The following NRXN3 variants were observed in gnomAD, a reference collection of about 807,000 sequenced individuals.
NRXN3 encodes neurexin 3.
In NRXN3, 32 loss-of-function variants were observed where a neutral mutation model predicts 137.6. The observed-to-expected ratio is 0.23, with a 90% CI of 0.18 to 0.31. NRXN3 has a LOEUF of 0.31. Among genes scored for constraint, NRXN3 ranks in the 10% least tolerant of loss-of-function variants. The pLI is 1.00. For missense variants in NRXN3, 1,574 were observed against 2,062.5 expected, an observed-to-expected ratio of 0.76 and a Z score of 4.59; for synonymous variants, 798 against 784.5, an observed-to-expected ratio of 1.02 and a Z score of -0.29.
At chr14:78,607,791 A>G (rs1348857061) in intron 4 of NRXN3, among the ~76,000 whole-genome samples, 1 of 151,888 alleles carries the variant, frequency 6.6e-6, no homozygotes, top group Non-Finnish European at 1.5e-5. Flanking sequence ...GTGTCTACTT[A>G]AAGAAATGGC....
chr14:79,825,974 T>C (rs1488069776), intron 20 of NRXN3, among the ~76,000 whole-genome samples: 1 of 151,050 alleles, frequency 6.6e-6, no homozygotes, highest in Non-Finnish European at 1.5e-5. Flanking sequence ...TACCCCAAAT[T>C]ACACATATAT....
intron 19 of NRXN3, among the ~76,000 whole-genome samples, chr14:79,718,484 A>C (rs2098831227): frequency 6.6e-6 from 1 of 152,234 alleles, no homozygotes; most frequent in Non-Finnish European, 1.5e-5. Context: ...TGTTTTTTAA[A>C]GATTACTCTG....
At chr14:79,056,116 G>A (rs1307926252) in intron 15 of NRXN3, among the ~76,000 whole-genome samples, 3 of 152,172 alleles carry the variant, frequency 2.0e-5, no homozygotes, top group African/African-American at 7.2e-5. Flanking sequence ...TTCAGGTAAT[G>A]GCAGTAGGAA....
intron 8 of NRXN3, among the ~76,000 whole-genome samples, chr14:78,756,422 A>G (rs1476150027): frequency 1.3e-5 from 2 of 151,832 alleles, no homozygotes; most frequent in Admixed American, 6.6e-5. Flanking sequence ...AGGGAGGTGG[A>G]GGCTGCAGTG....
At chr14:79,110,095 A>G (rs2053205415) in intron 15 of NRXN3, among the ~76,000 whole-genome samples, 2 of 152,180 alleles carry the variant, frequency 1.3e-5, no homozygotes, top group African/African-American at 2.4e-5. Context: ...CTTGTCATAG[A>G]CAATTATTTG....
chr14:79,134,491 A>G (rs2062747), intron 15 of NRXN3, among the ~76,000 whole-genome samples: 147,925 of 152,310 alleles, frequency 0.97, 71,881 homozygotes, highest in Middle Eastern at 1. Context: ...ACTGAGGCTA[A>G]CCGAGGACTT....
chr14:79,410,959 AAT>A (rs2095409546), intron 15 of NRXN3, among the ~76,000 whole-genome samples: 1 of 152,100 alleles, frequency 6.6e-6, no homozygotes, highest in African/African-American at 2.4e-5. Flanking sequence ...GATGTAGGGA[AAT>A]ATGACTCGTC....
Position 78,982,525 on chromosome 14 carries a change from T to C in NRXN3, c.3143-5497T>C, listed in dbSNP as rs192372604. 1.2e-3 allele frequency among the ~76,000 whole-genome samples: 185 copies of C among 152,144 alleles called. No homozygotes were observed. The Middle Eastern group carries it at 0.014, about 11-fold the overall frequency. ...TAACTGATTTTTTTTTTAACAAAGG[T>C]GCCACAAGTATGCAATGGAGAAAGG... On this transcript the variant is annotated intron_variant, in intron 14 of 20. Coordinates refer to ENST00000335750, the MANE Select transcript of NRXN3 (RefSeq NM_001330195.2).
chr14:78,507,042 G>T (rs865911346), intron 4 of NRXN3, among the ~76,000 whole-genome samples: 1 of 152,076 alleles, frequency 6.6e-6, no homozygotes, highest in Admixed American at 6.6e-5. Context: ...TAATTTGAGT[G>T]TTTAAAACAT....
In NRXN3 at chr14:78,948,533, A is replaced by G. The variant is rs2099374519; in HGVS notation, c.2276-8709A>G. 2.6e-5 allele frequency among the ~76,000 whole-genome samples: 4 copies of G among 151,286 alleles called. No individual in the cohort carries two copies. In the South Asian group the frequency reaches 8.4e-4, roughly 32 times the overall value. The stretch of plus-strand genomic sequence containing the variant: ...GAAATCTGACATTGGCTGAGGGAAT[A>G]TGATGCCAGGCGGCACGTGATGCAG... On this transcript the variant is annotated intron_variant, in intron 10 of 20. Transcript: ENST00000335750.
At chr14:79,125,120 C>CACTA (rs1254541065) in intron 15 of NRXN3, among the ~76,000 whole-genome samples, 3 of 152,182 alleles carry the variant, frequency 2.0e-5, no homozygotes, top group Middle Eastern at 3.2e-3. Context: ...ATTACAAATA[C>CACTA]ACTACTTGGC....
chr14:79,238,628 T>C (rs915593727), intron 15 of NRXN3, among the ~76,000 whole-genome samples: 9 of 152,162 alleles, frequency 5.9e-5, no homozygotes, highest in African/African-American at 1.2e-4. Context: ...TATCTTAATT[T>C]TCTTTTTTAC....
chr14:78,489,995 A>T (rs1599369831), intron 4 of NRXN3, among the ~76,000 whole-genome samples: 1 of 151,592 alleles, frequency 6.6e-6, no homozygotes, highest in Non-Finnish European at 1.5e-5. Context: ...GCTCACTGCA[A>T]CCTCTGCCTC....
chr14:78,835,685 C>T (rs568747733), intron 10 of NRXN3, among the ~76,000 whole-genome samples: 37 of 152,202 alleles, frequency 2.4e-4, no homozygotes, highest in African/African-American at 8.9e-4. Context: ...TTGGGAGACT[C>T]AGCTATGTAC....
intron 19 of NRXN3, among the ~76,000 whole-genome samples, chr14:79,799,457 G>A (rs1025928969): frequency 6.6e-6 from 1 of 152,082 alleles, no homozygotes; most frequent in Non-Finnish European, 1.5e-5. Flanking sequence ...TGAGATGCAG[G>A]GAGTGGAGAA....
At chr14:79,694,938 G>A (rs931984010) in intron 18 of NRXN3, among the ~76,000 whole-genome samples, 2 of 152,034 alleles carry the variant, frequency 1.3e-5, no homozygotes, top group Admixed American at 1.3e-4. Flanking sequence ...ACTCCCTATG[G>A]CAAGATGAAA....
chr14:78,842,111 A>G (rs998949301), intron 10 of NRXN3, among the ~76,000 whole-genome samples: 2 of 152,142 alleles, frequency 1.3e-5, no homozygotes, highest in African/African-American at 4.8e-5. Flanking sequence ...AATTGTACCT[A>G]AAATTTCTTG....
intron 15 of NRXN3, among the ~76,000 whole-genome samples, chr14:79,097,068 C>T (rs1280205474): frequency 2.0e-5 from 3 of 149,820 alleles, no homozygotes; most frequent in Non-Finnish European, 4.4e-5. Context: ...TCAATATAGA[C>T]TCATTTCTTA....
intron 19 of NRXN3, among the ~76,000 whole-genome samples, chr14:79,733,086 T>TG (rs2098929667): frequency 6.6e-6 from 1 of 150,600 alleles, no homozygotes; most frequent in Non-Finnish European, 1.5e-5. Context: ...ATGCAGTGAA[T>TG]AATTAAATCC....
Sources: gnomAD v4.1 joint callset for allele counts (sites outside exome capture counted in the v4.1 genomes callset) on GRCh38, gnomAD v4.1.1 for gene constraint, MANE v1.5 for transcripts, NCBI Gene and HGNC (gene_info 2026-07-23, HGNC 2026-07-21) for gene names.